LONRF1: variants seen among roughly 807,000 people sequenced by gnomAD.
LONRF1 encodes LON peptidase N-terminal domain and ring finger 1.
In LONRF1, 37 loss-of-function variants were observed where a neutral mutation model predicts 85.8. That is an observed-to-expected ratio of 0.43 (90% CI 0.33 to 0.57). The LOEUF (loss-of-function observed/expected upper bound fraction) is 0.57. LONRF1 is among the 20% of genes least tolerant of loss of function. The pLI is 0.04. For synonymous variants in LONRF1, 517 were observed against 390.1 expected (o/e 1.33, Z -3.83); for missense variants, 1,036 against 978.0 (o/e 1.06, Z -0.79).
chr8:12,740,001 G>C (rs1029068109), intron 3 of LONRF1, among the ~76,000 whole-genome samples: 4 of 152,074 alleles, frequency 2.6e-5, no homozygotes, highest in East Asian at 1.9e-4. Flanking sequence ...ACATCTCCTG[G>C]GATGCTTCTT....
At chr8:12,727,119 C>CTTTTTTT (rs368812604) in intron 10 of LONRF1, 1 of 133,834 alleles carries the variant, frequency 7.5e-6, no homozygotes, top group Admixed American at 7.5e-5. Context: ...CTTGTTAAAT[C>CTTTTTTT]TTTTTTTTTT....
chr8:12,722,922 TA>T lies in LONRF1; in HGVS notation c.*173del, dbSNP rs1375452600. ...TTTTCTGTGCAAGTTCTTAGTGGTC[TA>T]AATCCTAGTTGAAGGTATTCATTTG... On this transcript the variant is annotated 3_prime_UTR_variant, in exon 12 of 12. Transcript: ENST00000398246. 5.1e-6 allele frequency: 3 copies of T among 589,812 alleles called. No individual in the cohort carries two copies. The highest frequency in any genetic ancestry group is 5.8e-6 in the Non-Finnish European group (2 of 342,540). The allele number at this position is 589,812 out of a possible 1,614,324, so 36.5% of individuals were successfully genotyped here. A position where few individuals can be genotyped will look rare whatever the true frequency, so the allele number is the denominator to read the frequency against.
chr8:12,740,829 C>T (rs1798904405), intron 3 of LONRF1, 45 bp downstream of exon 3: 1 of 1,575,440 alleles, frequency 6.3e-7, no homozygotes, highest in Non-Finnish European at 8.6e-7. Flanking sequence ...AACCTGTCTG[C>T]CTCTTAGCCC....
At chr8:12,737,299 G>T (rs557069281) in intron 4 of LONRF1, 159 bp from the exon 5 acceptor site, 1 of 943,646 alleles carries the variant, frequency 1.1e-6, no homozygotes, top group Non-Finnish European at 1.7e-6. Flanking sequence ...ACAAGTAAAT[G>T]ATTTTTGCCA....
intron 1 of LONRF1, among the ~76,000 whole-genome samples, chr8:12,743,699 C>T (rs1458768365): frequency 1.3e-5 from 2 of 151,956 alleles, no homozygotes; most frequent in African/African-American, 2.4e-5. Context: ...AATAGCCATA[C>T]GTGTAACTAT....
At chr8:12,727,182 A>G (rs569038557) in intron 10 of LONRF1, 2 of 149,046 alleles carry the variant, frequency 1.3e-5, no homozygotes, top group East Asian at 2.0e-4. Flanking sequence ...AAAACAAATG[A>G]CAGGCTCTGG....
At chr8:12,743,094 C>T (rs954285463) in intron 2 of LONRF1, 70 bp downstream of exon 2, 3 of 966,682 alleles carry the variant, frequency 3.1e-6, no homozygotes, top group Non-Finnish European at 5.0e-6. Context: ...AAATTCCTAA[C>T]TGTGAATGAA....
chr8:12,725,271 G>A (rs1267052474), intron 11 of LONRF1, among the ~76,000 whole-genome samples: 1 of 152,168 alleles, frequency 6.6e-6, no homozygotes, highest in Non-Finnish European at 1.5e-5. Flanking sequence ...TGAAGTGGTT[G>A]GGTCAAATGT....
At chr8:12,738,977 G>A (rs940189790) in intron 3 of LONRF1, among the ~76,000 whole-genome samples, 1 of 152,086 alleles carries the variant, frequency 6.6e-6, no homozygotes, top group African/African-American at 2.4e-5. Context: ...TATAAACAAT[G>A]TAGATAAAAG....
intron 1 of LONRF1, among the ~76,000 whole-genome samples, chr8:12,744,875 T>A (rs1195718384): frequency 2.3e-5 from 1 of 43,100 alleles, no homozygotes; most frequent in Non-Finnish European, 6.5e-5. Context: ...CTTGGATTTT[T>A]ATTTTTTTTA....
chr8:12,732,466 C>G (rs1341829305), intron 7 of LONRF1, among the ~76,000 whole-genome samples: 1 of 152,134 alleles, frequency 6.6e-6, no homozygotes, highest in Non-Finnish European at 1.5e-5. Context: ...CCTGTATGAT[C>G]CATCTACCCC....
At chr8:12,748,363 T>G (rs998391623) in intron 1 of LONRF1, among the ~76,000 whole-genome samples, 6 of 147,514 alleles carry the variant, frequency 4.1e-5, no homozygotes, top group African/African-American at 1.5e-4. Context: ...ACCTGGCTAA[T>G]TTTTAAATTT....
intron 1 of LONRF1, among the ~76,000 whole-genome samples, chr8:12,746,850 A>C (rs1379468149): frequency 6.6e-6 from 1 of 152,156 alleles, no homozygotes; most frequent in Non-Finnish European, 1.5e-5. Context: ...TGCTATTAAT[A>C]TGTTGGTAAC....
At chr8:12,731,154 T>A (rs1185058449) in intron 8 of LONRF1, among the ~76,000 whole-genome samples, 1 of 152,156 alleles carries the variant, frequency 6.6e-6, no homozygotes. Context: ...CATCAGCTGC[T>A]GTGTTCTTTG....
rs2117250522 is a variant in LONRF1 at position 12,731,766 on chromosome 8, A to AT, written c.1657dup (p.Ile553AsnfsTer3). ...GAGTTCAGCAGTTTCTTCATCATAT[A>AT]TTTTTTTTCTCTCAGACAGTTCATC... On this transcript the variant is annotated frameshift_variant, in exon 8 of 12. Transcript: ENST00000398246. LOFTEE classifies it high-confidence loss of function. 9 of 1,611,676 alleles carry AT rather than the reference A, an allele frequency of 5.6e-6. No individual in the cohort carries two copies. The highest frequency in any genetic ancestry group is 4.4e-5 in the South Asian group (4 of 90,770).
At chr8:12,723,461 T>C (rs1219911122) in intron 11 of LONRF1, among the ~76,000 whole-genome samples, 3 of 152,198 alleles carry the variant, frequency 2.0e-5, no homozygotes, top group Admixed American at 6.5e-5. Flanking sequence ...TCTTGGCTCT[T>C]ATGTGGCAGA....
In LONRF1 at chr8:12,735,266, A is replaced by G. The variant is rs369099008; in HGVS notation, c.1566+20T>C. The G allele has an allele frequency of 6.7e-6, 10 of 1,501,604 alleles. No homozygotes were observed. The African/African-American group carries it at 8.3e-5, about 12-fold the overall frequency. 93.0% of individuals were successfully genotyped at this position (1,501,604 alleles called of 1,614,324 possible). The stretch of plus-strand genomic sequence containing the variant: ...TGCCAAACTTAAGACCAACAAACAG[A>G]CACATATACAAATATTTACCTCTTT... On this transcript the variant is annotated intron_variant, in intron 7 of 11. Coordinates refer to ENST00000398246, the MANE Select transcript of LONRF1 (RefSeq NM_152271.5).
chr8:12,751,296 G>GTTTTTTTTTTTTTTTTTTTT (rs869038024), intron 1 of LONRF1, among the ~76,000 whole-genome samples: 6 of 69,558 alleles, frequency 8.6e-5, no homozygotes, highest in Non-Finnish European at 1.4e-4. Flanking sequence ...TTATTTTTAT[G>GTTTTTTTTTTTTTTTTTTTT]TTTTTTTTTT....
At position 12,735,382 on chromosome 8, in the gene LONRF1, T is replaced by C; in HGVS notation, c.1470A>G (p.Val490=). 1.2e-6 allele frequency: 2 copies of C among 1,602,484 alleles called. No individual in the cohort carries two copies. Among genetic ancestry groups the C allele is most frequent in the Non-Finnish European group, 1.7e-6 (2 of 1,172,822 alleles). ...AGAACGAATGTCCGCAAGGGGTTGT[T>C]ACTGGCTCAAAAAACAACCTGAAAT... ...SLCMRLFFEP[V]TTPCGHSFCK... Residue 490 remains valine (V), a synonymous_variant, in exon 7 of 12, where the codon GTA becomes GTG. Coordinates refer to ENST00000398246, the MANE Select transcript of LONRF1 (RefSeq NM_152271.5).
Sources: allele counts gnomAD v4.1 joint callset (sites outside exome capture counted in the v4.1 genomes callset), GRCh38; gene constraint gnomAD v4.1.1; transcripts MANE v1.5; gene names NCBI Gene and HGNC (gene_info 2026-07-23, HGNC 2026-07-21).